IMPG1: variants seen among roughly 807,000 people sequenced by gnomAD.
IMPG1 encodes the protein interphotoreceptor matrix proteoglycan 1, also known as interphotoreceptor matrix proteoglycan of 150 kDa.
Under a neutral mutation model 92.0 loss-of-function variants are expected in IMPG1, and 85 were observed. The ratio of observed to expected loss-of-function variants is 0.92; its 90% CI spans 0.78 to 1.11. The LOEUF is 1.11. IMPG1 is among the 50% of genes least tolerant of loss of function. The pLI is 0.00. For synonymous variants in IMPG1, 367 were observed against 334.1 expected (o/e 1.10, Z -1.08); for missense variants, 1,022 against 956.0 (o/e 1.07, Z -0.91).
At chr6:76,069,720 A>G (rs1784374957) in intron 1 of IMPG1, among the ~76,000 whole-genome samples, 1 of 144,510 alleles carries the variant, frequency 6.9e-6, no homozygotes, top group Admixed American at 7.2e-5. Flanking sequence ...CATGGAATCA[A>G]CCTAGGTGCC....
At chr6:76,049,797 AG>A (rs1341310091) in intron 1 of IMPG1, among the ~76,000 whole-genome samples, 1 of 152,172 alleles carries the variant, frequency 6.6e-6, no homozygotes, top group Non-Finnish European at 1.5e-5. Context: ...GAAAGTATTT[AG>A]GGGGGCATAA....
chr6:76,061,690 C>T (rs956250116), intron 1 of IMPG1, among the ~76,000 whole-genome samples: 8 of 152,080 alleles, frequency 5.3e-5, no homozygotes, highest in African/African-American at 1.9e-4. Flanking sequence ...TAGGACTTGG[C>T]AAGGGTAAAT....
chr6:75,979,040 G>A (rs922452540), intron 12 of IMPG1, among the ~76,000 whole-genome samples: 1 of 152,024 alleles, frequency 6.6e-6, no homozygotes, highest in Non-Finnish European at 1.5e-5. Flanking sequence ...AGCCTCCCAG[G>A]TAGGTGTGAC....
At chr6:76,039,988 G>A (rs943654143) in intron 2 of IMPG1, among the ~76,000 whole-genome samples, 2 of 152,222 alleles carry the variant, frequency 1.3e-5, no homozygotes, top group Non-Finnish European at 2.9e-5. Context: ...GGATAATTTT[G>A]TAAAAGTAGC....
chr6:76,017,242 A>T (rs1727739520), intron 7 of IMPG1, among the ~76,000 whole-genome samples: 1 of 151,982 alleles, frequency 6.6e-6, no homozygotes, highest in Admixed American at 6.6e-5. Flanking sequence ...TATAGATGCC[A>T]CACTCAGCAT....
intron 9 of IMPG1, among the ~76,000 whole-genome samples, chr6:76,005,754 G>T (rs1783085120): frequency 6.6e-6 from 1 of 151,432 alleles, no homozygotes. Context: ...ATGGCAGGAG[G>T]GAGGTCAGTC....
At chr6:75,960,392 C>T (rs1401772950) in intron 12 of IMPG1, among the ~76,000 whole-genome samples, 1 of 152,086 alleles carries the variant, frequency 6.6e-6, no homozygotes, top group East Asian at 1.9e-4. Context: ...ATAAACCTAA[C>T]CAAGTTAATT....
chr6:76,072,360 T>A (rs1008194923), intron 1 of IMPG1, 62 bp downstream of exon 1: 1 of 902,464 alleles, frequency 1.1e-6, no homozygotes, highest in African/African-American at 1.7e-5. Context: ...GTTCTAAATA[T>A]TCACTTCTAT....
chr6:75,978,698 A>T (rs1782577331), intron 12 of IMPG1, among the ~76,000 whole-genome samples: 1 of 152,274 alleles, frequency 6.6e-6, no homozygotes, highest in East Asian at 1.9e-4. Context: ...AATATCTACT[A>T]TTTTCCATGT....
rs142902914 is a variant in IMPG1 at position 75,956,964 on chromosome 6, A to C, written c.1292-5870T>G. Among the ~76,000 whole-genome samples, 647 of 152,010 alleles carry C rather than the reference A, an allele frequency of 4.3e-3. 15 individuals are homozygous for C. The East Asian group carries it at 0.054, about 13-fold the overall frequency. On this transcript the variant is annotated intron_variant, in intron 12 of 16. Transcript: ENST00000369950. The stretch of plus-strand genomic sequence containing the variant: ...AGATGGAGTCTTGCTCTGTCACCCA[A>C]GCTGGAGTGCAGTGGCATGATCTCA...
In IMPG1 at chr6:76,026,916, C is replaced by T. The variant is rs1000052807; in HGVS notation, c.498-1658G>A. Among the ~76,000 whole-genome samples, 7 of 152,116 alleles carry T rather than the reference C, an allele frequency of 4.6e-5. No homozygotes were observed. The South Asian group carries it at 6.2e-4, about 13-fold the overall frequency. ...CAAGACTTTGCCTTATGGAATGAGCCCTTTCTGGTTCAATATCTGCATGTT... is the reference window on the plus strand; with the variant it reads ...CAAGACTTTGCCTTATGGAATGAGCTCTTTCTGGTTCAATATCTGCATGTT... On this transcript the variant is annotated intron_variant, in intron 4 of 16. Transcript: ENST00000369950.
chr6:75,935,437 G>A (rs867646817), intron 14 of IMPG1, among the ~76,000 whole-genome samples: 35 of 152,226 alleles, frequency 2.3e-4, no homozygotes, highest in African/African-American at 6.0e-4. Context: ...AAAGCTTCAC[G>A]CCTGAACAAA....
chr6:75,938,542 G>A (rs934010526), intron 14 of IMPG1, among the ~76,000 whole-genome samples: 1 of 152,226 alleles, frequency 6.6e-6, no homozygotes, highest in Admixed American at 6.5e-5. Context: ...GCCAGATGTG[G>A]TGGCTCATGC....
At chr6:76,017,236 G>A (rs1783306700) in intron 7 of IMPG1, among the ~76,000 whole-genome samples, 1 of 150,898 alleles carries the variant, frequency 6.6e-6, no homozygotes, top group South Asian at 2.1e-4. Context: ...ATGGTATATA[G>A]ATGCCACACT....
intron 14 of IMPG1, among the ~76,000 whole-genome samples, chr6:75,932,039 G>A (rs993288512): frequency 6.6e-6 from 1 of 152,224 alleles, no homozygotes; most frequent in African/African-American, 2.4e-5. Flanking sequence ...AAGGTCTCCT[G>A]TTCAACCATA....
intron 15 of IMPG1, among the ~76,000 whole-genome samples, chr6:75,924,719 TA>T (rs1562335349): frequency 0.016 from 119 of 7,494 alleles, 20 homozygotes; most frequent in East Asian, 0.06. Context: ...ATATAATATA[TA>T]ATATAATTAT....
chr6:75,983,273 T>G (rs1330363856), intron 12 of IMPG1, among the ~76,000 whole-genome samples: 1 of 152,092 alleles, frequency 6.6e-6, no homozygotes, highest in Non-Finnish European at 1.5e-5. Context: ...GAGAGCCTTC[T>G]CTTTTAATTA....
At chr6:75,982,586 GATATATATATGTGTGTGT>G (rs1218789411) in intron 12 of IMPG1, among the ~76,000 whole-genome samples, 72 of 145,814 alleles carry the variant, frequency 4.9e-4, no homozygotes, top group African/African-American at 1.1e-3. Context: ...GATATATATA[GATATATATATGTGTGTGT>G]ATATATATAT....
intron 7 of IMPG1, among the ~76,000 whole-genome samples, chr6:76,017,904 C>A (rs2149482018): frequency 6.6e-6 from 1 of 152,266 alleles, no homozygotes; most frequent in South Asian, 2.1e-4. Flanking sequence ...AGGCGCCCAC[C>A]ACCACACCCA....
Sources: allele counts gnomAD v4.1 joint callset (sites outside exome capture counted in the v4.1 genomes callset), GRCh38; gene constraint gnomAD v4.1.1; transcripts MANE v1.5; gene names NCBI Gene and HGNC (gene_info 2026-07-23, HGNC 2026-07-21).